Variants in AGPAT3 observed in about 807,000 individuals in gnomAD.
The protein encoded by AGPAT3 is 1-acylglycerol-3-phosphate O-acyltransferase 3, also known as 1-acyl-sn-glycerol-3-phosphate acyltransferase gamma.
Under a neutral mutation model 47.3 loss-of-function variants are expected in AGPAT3, and 5 were observed. That is an observed-to-expected ratio of 0.11 (90% confidence interval 0.06 to 0.22). AGPAT3 has a LOEUF of 0.22. Among genes scored for constraint, AGPAT3 ranks in the 10% least tolerant of loss-of-function variants. The probability of loss-of-function intolerance (pLI) is 1.00; values close to 1 mark genes in which losing one functional copy is unlikely to be tolerated. For synonymous variants in AGPAT3, 212 were observed against 208.3 expected, an observed-to-expected ratio of 1.02 and a Z score of -0.15; for missense variants, 315 against 493.0, an observed-to-expected ratio of 0.64 and a Z score of 3.42.
rs548072523 is a variant in AGPAT3 at position 43,871,401 on chromosome 21, A to G, written c.-112+6056A>G. 4.6e-5 allele frequency among the ~76,000 whole-genome samples: 7 copies of G among 152,220 alleles called. No homozygotes were observed. The South Asian group carries it at 1.2e-3, about 27-fold the overall frequency. On this transcript the variant is annotated intron_variant, in intron 1 of 9. Coordinates refer to ENST00000291572, the MANE Select transcript of AGPAT3 (RefSeq NM_020132.5). ...ACGTGTCTTTAAGGGCCTACGGGAG[A>G]CCCTCCCGTAAGATCTATGCAAAGA...
chr21:43,938,953 C>CCAGGTTCA (rs1324320369), intron 2 of AGPAT3, among the ~76,000 whole-genome samples: 4 of 152,170 alleles, frequency 2.6e-5, no homozygotes, highest in Non-Finnish European at 4.4e-5. Context: ...CTCTCCTCCA[C>CCAGGTTCA]CAGGTTCACA....
At chr21:43,913,125 T>A (rs2086661275) in intron 2 of AGPAT3, among the ~76,000 whole-genome samples, 1 of 152,250 alleles carries the variant, frequency 6.6e-6, no homozygotes, top group Non-Finnish European at 1.5e-5. Context: ...ACTTTGTTAG[T>A]CAATTTCCTC....
intron 2 of AGPAT3, among the ~76,000 whole-genome samples, chr21:43,931,922 CGTGTGTGTGTGTGT>C (rs55978822): frequency 0.017 from 2,426 of 145,750 alleles, 30 homozygotes; most frequent in Non-Finnish European, 0.023. Flanking sequence ...AAGAGGATCT[CGTGTGTGTGTGTGT>C]GTGTGTGTGT....
chr21:43,918,073 G>T, intron 2 of AGPAT3, among the ~76,000 whole-genome samples: 1 of 145,720 alleles, frequency 6.9e-6, no homozygotes, highest in Non-Finnish European at 1.5e-5. Context: ...GGGGTTGTGG[G>T]TGTTGTGGGT....
At chr21:43,942,259 G>C (rs943025656) in intron 2 of AGPAT3, among the ~76,000 whole-genome samples, 1 of 152,216 alleles carries the variant, frequency 6.6e-6, no homozygotes, top group Admixed American at 6.5e-5. Context: ...CAGAGACGTT[G>C]AGCGTCACGG....
chr21:43,933,828 G>A lies in AGPAT3; in HGVS notation c.-48-25806G>A, dbSNP rs534466697. ...GCAAGAGCCAGAGGACGGCACTCCCGCGCCTGCCACGAGCCTCACGTGGAG... is the reference window on the plus strand; with the variant it reads ...GCAAGAGCCAGAGGACGGCACTCCCACGCCTGCCACGAGCCTCACGTGGAG... On this transcript the variant is annotated intron_variant, in intron 2 of 9. Transcript: ENST00000291572. This position sits in a 1 kb window ranked among gnomAD's most constrained non-coding sequence, Gnocchi z 6.0. Among the ~76,000 whole-genome samples, 1 of 152,208 alleles carries A rather than the reference G, an allele frequency of 6.6e-6. No individual in the cohort carries two copies. Among genetic ancestry groups the A allele is most frequent in the Non-Finnish European group, 1.5e-5 (1 of 67,998 alleles).
At chr21:43,957,565 G>A (rs1246090743) in intron 2 of AGPAT3, among the ~76,000 whole-genome samples, 1 of 147,322 alleles carries the variant, frequency 6.8e-6, no homozygotes, top group Non-Finnish European at 1.5e-5. Context: ...CCACACGGGG[G>A]TCTCGGGTTT....
intron 2 of AGPAT3, among the ~76,000 whole-genome samples, chr21:43,915,840 T>C (rs1432119329): frequency 2.0e-5 from 3 of 152,208 alleles, no homozygotes; most frequent in African/African-American, 4.8e-5. Flanking sequence ...CTTCAGTTAC[T>C]TTGTAATTTT....
chr21:43,963,190 G>A (rs1437692734), intron 3 of AGPAT3, among the ~76,000 whole-genome samples: 4 of 152,168 alleles, frequency 2.6e-5, no homozygotes, highest in Non-Finnish European at 5.9e-5. Flanking sequence ...TGTGAAATAG[G>A]CGTGAAAAGA....
At position 43,974,374 on chromosome 21, in the gene AGPAT3, ATGTG is replaced by A. The variant is rs766377200; in HGVS notation, c.767+2891_767+2894del. Among the ~76,000 whole-genome samples, 88 of 149,294 alleles carry A rather than the reference ATGTG, an allele frequency of 5.9e-4. 1 individual carries two copies. The highest frequency in any genetic ancestry group is 7.0e-3 in the Middle Eastern group (2 of 286). ...ATTACATATGTGTATGGTGTGTGTG[ATGTG>A]TGTGTGGTGTGTGAGGTATGGTGTG... is the stretch of plus-strand genomic sequence containing the variant. On this transcript the variant is annotated intron_variant, in intron 7 of 9. Coordinates refer to ENST00000291572, the MANE Select transcript of AGPAT3 (RefSeq NM_020132.5).
At chr21:43,912,137 A>G (rs2086643793) in intron 2 of AGPAT3, among the ~76,000 whole-genome samples, 1 of 152,218 alleles carries the variant, frequency 6.6e-6, no homozygotes, top group African/African-American at 2.4e-5. Context: ...CAACACTTCC[A>G]TGTGAATTGG....
chr21:43,947,758 C>G (rs573667077), intron 2 of AGPAT3, among the ~76,000 whole-genome samples: 1 of 151,858 alleles, frequency 6.6e-6, no homozygotes, highest in African/African-American at 2.4e-5. Context: ...ATTCTCCTGC[C>G]TCAGCCTCCT....
intron 2 of AGPAT3, among the ~76,000 whole-genome samples, chr21:43,912,974 A>G (rs148526282): frequency 7.2e-5 from 11 of 152,316 alleles, no homozygotes; most frequent in African/African-American, 2.2e-4. Context: ...AGTTCAGTGA[A>G]TGTGTTCTCC....
chr21:43,894,027 ACT>A (rs913992131), intron 1 of AGPAT3, among the ~76,000 whole-genome samples: 10 of 152,074 alleles, frequency 6.6e-5, no homozygotes, highest in Admixed American at 6.5e-4. Context: ...CGCTGCAAAA[ACT>A]CAGTATCTGG....
rs1262550475 is a variant in AGPAT3 at position 43,920,419 on chromosome 21, G to A, written c.-49+16400G>A. ...AATCAGAAACATACTTTGGTCTCTG[G>A]CCCTGGCTCTGGGCACACAGCTCCT... is the stretch of plus-strand genomic sequence containing the variant. On this transcript the variant is annotated intron_variant, in intron 2 of 9. Transcript: ENST00000291572. This position sits in a 1 kb window ranked among gnomAD's most constrained non-coding sequence, Gnocchi z 6.1. 1.3e-5 allele frequency among the ~76,000 whole-genome samples: 2 copies of A among 152,152 alleles called. No individual in the cohort carries two copies. The highest frequency in any genetic ancestry group is 4.8e-5 in the African/African-American group (2 of 41,434).
intron 2 of AGPAT3, among the ~76,000 whole-genome samples, chr21:43,923,565 A>G (rs1029420427): frequency 1.3e-5 from 2 of 152,178 alleles, no homozygotes; most frequent in African/African-American, 4.8e-5. Flanking sequence ...TCAGATGCCA[A>G]TCCCAGGTTG....
chr21:43,903,828 G>A (rs2086415904), intron 1 of AGPAT3, 129 bp from the exon 2 acceptor site: 2 of 152,336 alleles, frequency 1.3e-5, no homozygotes, highest in Non-Finnish European at 2.9e-5. Context: ...GGGAAAGGAT[G>A]TTAATGCGTG....
intron 7 of AGPAT3, among the ~76,000 whole-genome samples, chr21:43,975,024 C>G (rs909273298): frequency 2.6e-5 from 4 of 151,920 alleles, no homozygotes; most frequent in African/African-American, 9.7e-5. Flanking sequence ...CTGTTGTGTA[C>G]TGGCGTTTGC....
intron 7 of AGPAT3, among the ~76,000 whole-genome samples, chr21:43,977,398 C>A (rs2089656358): frequency 6.6e-6 from 1 of 152,326 alleles, no homozygotes; most frequent in South Asian, 2.1e-4. Context: ...GCACACATGA[C>A]CACCCTTCTC....
Sources: gnomAD v4.1 joint callset for allele counts (sites outside exome capture counted in the v4.1 genomes callset) on GRCh38, gnomAD v4.1.1 for gene constraint, Gnocchi (gnomAD v3.1) non-coding constraint, MANE v1.5 for transcripts, NCBI Gene and HGNC (gene_info 2026-07-23, HGNC 2026-07-21) for gene names.